GAS6: variants seen among roughly 807,000 people sequenced by gnomAD.
GAS6 encodes growth arrest specific 6, also known as growth arrest-specific protein 6.
GAS6 carries 41 observed loss-of-function variants against 75.8 expected under a neutral mutation model. The ratio of observed to expected loss-of-function variants is 0.54; its 90% CI spans 0.42 to 0.70. The LOEUF is 0.70. GAS6 is among the 30% of genes least tolerant of loss of function. The probability of loss-of-function intolerance (pLI) is 0.00; values close to 1 mark genes in which losing one functional copy is unlikely to be tolerated. For missense variants in GAS6, 854 were observed against 940.2 expected (o/e 0.91, Z 1.20); for synonymous variants, 432 against 412.6 (o/e 1.05, Z -0.57).
chr13:113,839,403 C>T (rs1487145970), intron 5 of GAS6: 1 of 257,318 alleles, frequency 3.9e-6, no homozygotes, highest in East Asian at 8.9e-5. Flanking sequence ...AATTTCCCCC[C>T]CGCCTTTCAA....
At chr13:113,855,966 T>C (rs184279349) in intron 2 of GAS6, among the ~76,000 whole-genome samples, 92 of 152,336 alleles carry the variant, frequency 6.0e-4, no homozygotes, top group African/African-American at 1.9e-3. Context: ...CACATGTCTC[T>C]CTAGTGGACT....
At chr13:113,825,084 G>A (rs533991542) in intron 12 of GAS6, among the ~76,000 whole-genome samples, 21 of 152,092 alleles carry the variant, frequency 1.4e-4, no homozygotes, top group African/African-American at 5.1e-4. Flanking sequence ...TGGGTGTGGT[G>A]GTGCATGCCT....
intron 14 of GAS6, chr13:113,821,438 C>T (rs918761890): frequency 3.0e-5 from 7 of 236,376 alleles, no homozygotes; most frequent in Non-Finnish European, 5.0e-5. Context: ...TGCGGGCAGC[C>T]GAGGACTTGC....
chr13:113,862,581 T>C (rs1210526904), intron 2 of GAS6, among the ~76,000 whole-genome samples: 3 of 152,178 alleles, frequency 2.0e-5, no homozygotes, highest in African/African-American at 7.2e-5. Flanking sequence ...CAGCCCCAGG[T>C]GCGTCATCTC....
intron 2 of GAS6, among the ~76,000 whole-genome samples, chr13:113,859,401 TGTTA>T (rs1052823001): frequency 4.7e-5 from 7 of 150,466 alleles, no homozygotes; most frequent in African/African-American, 1.5e-4. Context: ...TATACATGTC[TGTTA>T]GTATGTGTGT....
intron 12 of GAS6, 55 bp from the exon 13 acceptor site, chr13:113,823,605 G>A: frequency 6.5e-7 from 1 of 1,541,146 alleles, no homozygotes; most frequent in Non-Finnish European, 8.8e-7. Context: ...AGGCCACAGT[G>A]AGGTCGGAGC....
At position 113,832,320 on chromosome 13, in the gene GAS6, G is replaced by A. The variant is rs2051638631; in HGVS notation, c.1122C>T (p.Ile374=). Residue 374 remains isoleucine (I), a synonymous_variant, in exon 10 of 15, where the codon ATC becomes ATT. Coordinates refer to ENST00000327773, the MANE Select transcript of GAS6 (RefSeq NM_000820.4). The stretch of plus-strand genomic sequence containing the variant: ...TCACTGTCTGCCACATGCCATGGTT[G>A]ATGACCGGGCCGCTGCTGGTGACAC... ...VGRVTSSGPV[I]NHGMWQTISV... The A allele has an allele frequency of 6.2e-7, 1 of 1,600,114 alleles. No homozygotes were observed. Among genetic ancestry groups the A allele is most frequent in the Non-Finnish European group, 8.5e-7 (1 of 1,179,782 alleles).
In GAS6 at chr13:113,820,894, G is replaced by C; in HGVS notation, c.2007C>G (p.Ser669=). ...AYKHSDITAH[S]CPPVEPAAA is the part of the protein sequence containing the mutation. ...CTGCGGCGGGCTCCACGGGGGGGCA[G>C]GAGTGGGCCGTGATGTCGCTGTGCT... Residue 669 remains serine (S), a synonymous_variant, in exon 15 of 15, where the codon TCC becomes TCG. Transcript: ENST00000327773. 6.2e-7 allele frequency: 1 copy of C among 1,611,600 alleles called. No homozygotes were observed.
At chr13:113,829,910 A>G (rs1367942263) in intron 10 of GAS6, among the ~76,000 whole-genome samples, 33 of 110,712 alleles carry the variant, frequency 3.0e-4, no homozygotes, top group South Asian at 6.3e-4. Flanking sequence ...TGAGCCAAGA[A>G]GGTCCCAATC....
At chr13:113,822,400 A>C in intron 13 of GAS6, 1 of 471,300 alleles carries the variant, frequency 2.1e-6, no homozygotes, top group East Asian at 3.4e-5. Context: ...GCCAGGGGCC[A>C]GCCTGGGAGG....
intron 12 of GAS6, among the ~76,000 whole-genome samples, chr13:113,824,226 G>A (rs1446944428): frequency 7.1e-6 from 1 of 140,344 alleles, no homozygotes; most frequent in Non-Finnish European, 1.5e-5. Flanking sequence ...GGGAGCACGC[G>A]CGGTCTGGGG....
At chr13:113,846,779 C>T (rs2051837016) in intron 3 of GAS6, among the ~76,000 whole-genome samples, 190 bp from the exon 4 acceptor site, 2 of 152,238 alleles carry the variant, frequency 1.3e-5, no homozygotes, top group African/African-American at 4.8e-5. Flanking sequence ...AAACAGGAAA[C>T]CACCTCCACC....
At chr13:113,861,228 C>A (rs905693365) in intron 2 of GAS6, among the ~76,000 whole-genome samples, 3 of 152,194 alleles carry the variant, frequency 2.0e-5, no homozygotes, top group Admixed American at 6.5e-5. Context: ...TAGGAGCCTG[C>A]CCAGGGGAAA....
rs1285501174 is a variant in GAS6 at position 113,834,670 on chromosome 13, C to T, written c.715G>A (p.Val239Met). The change falls in exon 8 of 15, where the codon GTG (valine) becomes ATG (methionine). Residue 239 changes from valine to methionine, a missense_variant and splice_region_variant. Transcript: ENST00000327773. ...CAGCGGCCCTGCAGACACTCGTCCA[C>T]ATCTGCCAGCCAGAGGGAAGCGGCG... ...YSSQEKACRD[V>M]DECLQGRCEQ... The T allele has an allele frequency of 1.3e-6, 2 of 1,564,600 alleles. No individual in the cohort carries two copies. Among genetic ancestry groups the T allele is most frequent in the South Asian group, 1.2e-5 (1 of 84,978 alleles).
Position 113,835,550 on chromosome 13 carries a change from C to G in GAS6, c.675G>C (p.Glu225Asp), listed in dbSNP as rs2051691659. ...LPGSYSCLCDEGFAYSSQEKA... is the reference protein window; with the variant it reads ...LPGSYSCLCDDGFAYSSQEKA... ...TCTCCTGGGAGCTGTACGCAAAGCC[C>G]TCGTCACAGAGGCAGGAGTAGGAGC... The change falls in exon 7 of 15, where the codon GAG (glutamate) becomes GAC (aspartate). Residue 225 changes from glutamate to aspartate, a missense_variant. By Grantham distance (45) the Glu-to-Asp change is conservative. Coordinates refer to ENST00000327773, the MANE Select transcript of GAS6 (RefSeq NM_000820.4). 1 of 1,612,620 alleles carries G rather than the reference C, an allele frequency of 6.2e-7. No individual in the cohort carries two copies. Among genetic ancestry groups the G allele is most frequent in the South Asian group, 1.1e-5 (1 of 91,086 alleles).
At chr13:113,841,988 CCCACAGTTTCCTCCATATGCCT>C (rs2051787826) in intron 4 of GAS6, 2 of 118,332 alleles carry the variant, frequency 1.7e-5, no homozygotes, top group African/African-American at 3.2e-5. Flanking sequence ...CTCTGTACGC[CCCACAGTTTCCTCCATATGCCT>C]CAGTTTCCTC....
chr13:113,833,397 C>T (rs996658155), intron 8 of GAS6: 1 of 992,624 alleles, frequency 1.0e-6, no homozygotes, highest in African/African-American at 1.7e-5. Flanking sequence ...CCCACGGCTG[C>T]ATCCCAGGTC....
intron 3 of GAS6, chr13:113,846,846 G>A (rs60850774): frequency 0.012 from 6,225 of 532,710 alleles, 327 homozygotes; most frequent in African/African-American, 0.11. Context: ...CCGCCGTTTC[G>A]AGGGGGCTCC....
At position 113,863,751 on chromosome 13, in the gene GAS6, G is replaced by A; in HGVS notation, c.89-10C>T. 6.7e-7 allele frequency: 1 copy of A among 1,481,904 alleles called. No homozygotes were observed. The highest frequency in any genetic ancestry group is 8.9e-7 in the Non-Finnish European group (1 of 1,122,826). The allele number at this position is 1,481,904 out of a possible 1,614,324, so 91.8% of individuals were successfully genotyped here. A position where few individuals can be genotyped will look rare whatever the true frequency, so the allele number is the denominator to read the frequency against. ...GCCGGCAACAGCGCGGCTGCCCGGA[G>A]GGAGAGAGGGGGACGCGTCAAGCCG... On this transcript the variant is annotated splice_polypyrimidine_tract_variant and intron_variant, in intron 1 of 14. Coordinates refer to ENST00000327773, the MANE Select transcript of GAS6 (RefSeq NM_000820.4). The surrounding 1 kb of genome is among the most constrained non-coding windows in gnomAD (Gnocchi z 9.4).
Sources: gnomAD v4.1 joint callset for allele counts (sites outside exome capture counted in the v4.1 genomes callset) on GRCh38, gnomAD v4.1.1 for gene constraint, Gnocchi (gnomAD v3.1) non-coding constraint, MANE v1.5 for transcripts, NCBI Gene and HGNC (gene_info 2026-07-23, HGNC 2026-07-21) for gene names.